Variants in TMPRSS15 observed in about 807,000 individuals in gnomAD.
The protein encoded by TMPRSS15 is transmembrane serine protease 15, also known as enteropeptidase.
A neutral mutation model predicts 125.3 loss-of-function variants in TMPRSS15; 128 were observed. The ratio of observed to expected loss-of-function variants is 1.02; its 90% confidence interval spans 0.89 to 1.18. The LOEUF (loss-of-function observed/expected upper bound fraction) is 1.18. TMPRSS15 is among the 50% of genes most tolerant of loss of function. The pLI, the probability that TMPRSS15 is intolerant of heterozygous loss-of-function variation, is 0.00. For synonymous variants in TMPRSS15, 446 were observed against 423.2 expected (o/e 1.05, Z -0.66); for missense variants, 1,283 against 1,212.7 (o/e 1.06, Z -0.86).
In TMPRSS15 at chr21:18,403,594, C is replaced by T. The variant is rs1338875221; in HGVS notation, c.29G>A (p.Arg10Lys). 9 of 1,614,082 alleles carry T rather than the reference C, an allele frequency of 5.6e-6. No individual in the cohort carries two copies. The highest frequency in any genetic ancestry group is 7.6e-6 in the Non-Finnish European group (9 of 1,179,988). ...TTCATAGGAGCTGAGAGAATGATGC[C>T]TAGAAGATATGCCTCTTTTCGACCC... MGSKRGISS[R>K]HHSLSSYEIM... The change falls in exon 1 of 25, where the codon AGG becomes AAG. Residue 10 changes from arginine to lysine, a missense_variant. Arg to Lys is a conservative substitution (Grantham distance 26). Transcript: ENST00000284885.
At chr21:18,432,661 A>AGAGTCAAG (rs1317078673) in intron 1 of TMPRSS15, among the ~76,000 whole-genome samples, 5 of 152,152 alleles carry the variant, frequency 3.3e-5, no homozygotes, top group African/African-American at 7.2e-5. Flanking sequence ...AGGAGTCGGG[A>AGAGTCAAG]GAGTCAAGGT....
intron 3 of TMPRSS15, among the ~76,000 whole-genome samples, chr21:18,392,126 A>G (rs2075996003): frequency 6.6e-6 from 1 of 152,172 alleles, no homozygotes; most frequent in Admixed American, 6.5e-5. Flanking sequence ...GAACTCTGAC[A>G]TGCCACGGAG....
intron 16 of TMPRSS15, among the ~76,000 whole-genome samples, chr21:18,319,590 G>A (rs1482563537): frequency 6.6e-6 from 1 of 151,928 alleles, no homozygotes; most frequent in Non-Finnish European, 1.5e-5. Flanking sequence ...CACCACGCTG[G>A]GCTAATTTTG....
At chr21:18,416,662 C>T (rs1294625428) in intron 1 of TMPRSS15, among the ~76,000 whole-genome samples, 1 of 151,984 alleles carries the variant, frequency 6.6e-6, no homozygotes, top group Non-Finnish European at 1.5e-5. Flanking sequence ...GATAAATTCA[C>T]AAACTATTTG....
intron 16 of TMPRSS15, among the ~76,000 whole-genome samples, chr21:18,326,059 G>T (rs1305436837): frequency 6.6e-6 from 1 of 152,008 alleles, no homozygotes; most frequent in East Asian, 1.9e-4. Context: ...CAGCTCTCTT[G>T]CCTGTTTCCT....
chr21:18,272,551 C>T (rs1040097414), intron 24 of TMPRSS15, among the ~76,000 whole-genome samples: 4 of 151,878 alleles, frequency 2.6e-5, no homozygotes, highest in Admixed American at 2.0e-4. Context: ...TGGTGAAACC[C>T]GGTCTCTACT....
At chr21:18,293,853 T>C (rs1317427485) in intron 21 of TMPRSS15, among the ~76,000 whole-genome samples, 1 of 152,204 alleles carries the variant, frequency 6.6e-6, no homozygotes, top group Non-Finnish European at 1.5e-5. Flanking sequence ...ATAATTGTAA[T>C]TTGAGGGCTA....
At position 18,428,502 on chromosome 21, in the gene TMPRSS15, ATGATTT is replaced by A. The variant is rs565805412; in HGVS notation, c.11-30179_11-30174del. ...CATAGGTCTGGAGGCCTAGGAGAAA[ATGATTT>A]TGTGGGCCGGTCCCAGGGCCCCCTT... On this transcript the variant is annotated intron_variant, in intron 1 of 7. Transcript: ENST00000422787. Among the ~76,000 whole-genome samples the A allele has an allele frequency of 2.8e-4, 42 of 152,190 alleles. 2 individuals carry two copies. The highest frequency in any genetic ancestry group is 1.4e-4 in the African/African-American group (6 of 41,534).
intron 17 of TMPRSS15, among the ~76,000 whole-genome samples, chr21:18,314,820 A>G (rs1326648572): frequency 6.6e-6 from 1 of 152,122 alleles, no homozygotes; most frequent in Non-Finnish European, 1.5e-5. Context: ...AGAAAACAGT[A>G]GCCAATATGA....
upstream of TMPRSS15, among the ~76,000 whole-genome samples, chr21:18,404,162 C>T (rs2076127321): frequency 6.6e-6 from 1 of 152,172 alleles, no homozygotes; most frequent in Non-Finnish European, 1.5e-5. Context: ...CATATATATA[C>T]TCTCTCTGTG....
chr21:18,418,277 A>G lies in TMPRSS15; in HGVS notation c.11-19948T>C, dbSNP rs142872397. ...TACTTCTGTGGATTAGAGGTGAGAG[A>G]GTTAAGAACCTTATTTTAAAAAGTG... On this transcript the variant is annotated intron_variant, in intron 1 of 7. Transcript: ENST00000422787. Among the ~76,000 whole-genome samples the G allele has an allele frequency of 2.1e-3, 326 of 152,308 alleles. 1 individual carries two copies. Among genetic ancestry groups the G allele is most frequent in the African/African-American group, 7.5e-3 (312 of 41,558 alleles).
chr21:18,353,274 TGTCAGG>T (rs2075589555), intron 9 of TMPRSS15, among the ~76,000 whole-genome samples: 1 of 151,878 alleles, frequency 6.6e-6, no homozygotes, highest in Non-Finnish European at 1.5e-5. Flanking sequence ...TCCTATACTC[TGTCAGG>T]GTATTAGCAA....
At chr21:18,371,451 C>A (rs1328963597) in intron 6 of TMPRSS15, among the ~76,000 whole-genome samples, 1 of 152,068 alleles carries the variant, frequency 6.6e-6, no homozygotes, top group African/African-American at 2.4e-5. Flanking sequence ...TAAGTGGAAT[C>A]CAGCTATGAA....
At chr21:18,316,695 T>C (rs1403046075) in intron 16 of TMPRSS15, among the ~76,000 whole-genome samples, 1 of 152,120 alleles carries the variant, frequency 6.6e-6, no homozygotes, top group Non-Finnish European at 1.5e-5. Flanking sequence ...GAGTTTGGGT[T>C]GTGCAAAAAG....
At chr21:18,442,305 A>G (rs1001683445) in intron 1 of TMPRSS15, among the ~76,000 whole-genome samples, 1 of 152,058 alleles carries the variant, frequency 6.6e-6, no homozygotes, top group African/African-American at 2.4e-5. Context: ...TTTGGCATGG[A>G]TGGGCTTGAC....
At chr21:18,324,504 C>T (rs1032046863) in intron 16 of TMPRSS15, among the ~76,000 whole-genome samples, 1 of 152,130 alleles carries the variant, frequency 6.6e-6, no homozygotes, top group Non-Finnish European at 1.5e-5. Flanking sequence ...TGGCCAAAGA[C>T]GGCCATCTTC....
chr21:18,464,172 C>CAAAAAAA (rs1163284712), intron 1 of TMPRSS15, among the ~76,000 whole-genome samples: 1 of 37,178 alleles, frequency 2.7e-5, no homozygotes, highest in Non-Finnish European at 7.0e-5. Context: ...GACTCCGTCT[C>CAAAAAAA]AAAAAAAAAA....
intron 21 of TMPRSS15, among the ~76,000 whole-genome samples, chr21:18,293,864 C>T (rs904117436): frequency 2.0e-5 from 3 of 152,124 alleles, no homozygotes; most frequent in African/African-American, 7.2e-5. Context: ...TTGAGGGCTA[C>T]CTAAGAATAC....
chr21:18,298,899 T>C (rs2074935382), intron 18 of TMPRSS15, among the ~76,000 whole-genome samples: 1 of 152,232 alleles, frequency 6.6e-6, no homozygotes, highest in South Asian at 2.1e-4. Context: ...AATTAGAAGA[T>C]ACGAACTATT....
Sources: allele counts gnomAD v4.1 joint callset (sites outside exome capture counted in the v4.1 genomes callset), GRCh38; gene constraint gnomAD v4.1.1; transcripts MANE v1.5; gene names NCBI Gene and HGNC (gene_info 2026-07-23, HGNC 2026-07-21).